RUNDC3A: variants seen among roughly 807,000 people sequenced by gnomAD.
RUNDC3A encodes RUN domain-containing protein 3A.
In RUNDC3A, 28 loss-of-function variants were observed where a neutral mutation model predicts 53.9. The ratio of observed to expected loss-of-function variants is 0.52; its 90% CI spans 0.38 to 0.71. The LOEUF (loss-of-function observed/expected upper bound fraction) is 0.71. Ranked by LOEUF, RUNDC3A falls within the 30% of genes least tolerant of loss-of-function variation. The pLI, the probability that RUNDC3A is intolerant of heterozygous loss-of-function variation, is 0.00. For synonymous variants in RUNDC3A, 232 were observed against 249.4 expected (o/e 0.93, Z 0.66); for missense variants, 491 against 597.3 (o/e 0.82, Z 1.85).
chr17:44,310,556 C>A, intron 1 of RUNDC3A: 1 of 249,412 alleles, frequency 4.0e-6, no homozygotes, highest in Non-Finnish European at 6.4e-6. Context: ...ATAACAAAGG[C>A]TCAGTAACCC....
chr17:44,316,813 T>C, intron 10 of RUNDC3A, 88 bp downstream of exon 10: 2 of 622,944 alleles, frequency 3.2e-6, no homozygotes, highest in East Asian at 5.9e-5. Flanking sequence ...TCATTCATTC[T>C]CTTAGTCTTT....
At chr17:44,309,550 G>C (rs1040281714) in intron 1 of RUNDC3A, among the ~76,000 whole-genome samples, 2 of 152,096 alleles carry the variant, frequency 1.3e-5, no homozygotes. Flanking sequence ...AGGGTGGAAC[G>C]GTTGCAGGGT....
chr17:44,314,595 T>TC, intron 4 of RUNDC3A, 140 bp from the exon 5 acceptor site: 2 of 1,453,702 alleles, frequency 1.4e-6, no homozygotes, highest in Non-Finnish European at 1.8e-6. Context: ...GGAGAGAGGC[T>TC]CCAGGCCTGC....
At position 44,312,665 on chromosome 17, in the gene RUNDC3A, T is replaced by C. The variant is rs1466381355; in HGVS notation, c.193T>C (p.Leu65=). 6.3e-7 allele frequency: 1 copy of C among 1,580,222 alleles called. No homozygotes were observed. The highest frequency in any genetic ancestry group is 1.3e-5 in the African/African-American group (1 of 74,096). ...SEEFVNFAAI[L]EQILSHRFKA... ...GGAGTTTGTCAATTTTGCAGCCATT[T>C]TAGAGCAGATCCTCAGCCACCGCTT... The change falls in exon 2 of 11, where the codon TTA becomes CTA. Residue 65 remains leucine (L), a synonymous_variant. Transcript: ENST00000426726.
chr17:44,311,081 G>A (rs1469685236), intron 1 of RUNDC3A: 1 of 985,330 alleles, frequency 1.0e-6, no homozygotes, highest in African/African-American at 1.7e-5. Flanking sequence ...GGCCACGTGA[G>A]TGCCACAGGG....
chr17:44,313,960 G>A (rs1055675218), intron 4 of RUNDC3A: 65 of 991,774 alleles, frequency 6.6e-5, no homozygotes, highest in African/African-American at 1.4e-4. Flanking sequence ...ATGAGCCACC[G>A]CTCCTGGCCC....
chr17:44,317,997 T>TG (rs150419582), intron 10 of RUNDC3A, 99 bp from the exon 11 acceptor site: 3 of 1,270,230 alleles, frequency 2.4e-6, no homozygotes, highest in Non-Finnish European at 3.3e-6. Context: ...CAAGGTCTCC[T>TG]GGGGGGTGAC....
chr17:44,314,430 A>G, intron 4 of RUNDC3A: 2 of 1,281,288 alleles, frequency 1.6e-6, no homozygotes, highest in Non-Finnish European at 2.0e-6. Flanking sequence ...CACCTACTGT[A>G]TACCAAGCAC....
At position 44,318,083 on chromosome 17, in the gene RUNDC3A, C is replaced by A. The variant is rs905266218; in HGVS notation, c.1199-13C>A. The stretch of plus-strand genomic sequence containing the variant: ...AGACTGGTCGCTTGGCCTCACCTGC[C>A]CTCTCTCCCCAGGGAAGGACCCCAC... On this transcript the variant is annotated splice_polypyrimidine_tract_variant and intron_variant, in intron 10 of 10. Transcript: ENST00000426726. 2 of 1,549,952 alleles carry A rather than the reference C, an allele frequency of 1.3e-6. No homozygotes were observed. The highest frequency in any genetic ancestry group is 2.7e-5 in the African/African-American group (2 of 73,020).
At chr17:44,316,300 T>A in intron 8 of RUNDC3A, 85 bp from the exon 9 acceptor site, 2 of 1,351,744 alleles carry the variant, frequency 1.5e-6, no homozygotes, top group Non-Finnish European at 2.1e-6. Flanking sequence ...ATTTCATTCC[T>A]GACCCCTCCC....
At position 44,318,169 on chromosome 17, in the gene RUNDC3A, G is replaced by A. The variant is rs761199137; in HGVS notation, c.1272G>A (p.Ala424=). 2.4e-5 allele frequency: 37 copies of A among 1,551,392 alleles called. No individual in the cohort carries two copies. Among genetic ancestry groups the A allele is most frequent in the Non-Finnish European group, 2.9e-5 (33 of 1,146,994 alleles). The part of the protein sequence containing the change: ...LASIPSCKSL[A]SFKSNECLVS... ...CCATTCCCAGCTGCAAGTCCCTGGC[G>A]AGCTTCAAATCCAACGAGTGCCTGG... The change falls in exon 11 of 11, where the codon GCG becomes GCA. Residue 424 remains alanine, a synonymous_variant. Coordinates refer to ENST00000426726, the MANE Select transcript of RUNDC3A (RefSeq NM_001144825.2).
Position 44,311,432 on chromosome 17 carries a change from C to T in RUNDC3A, c.108-1148C>T, listed in dbSNP as rs1292411941. 6 of 773,496 alleles carry T rather than the reference C, an allele frequency of 7.8e-6. No homozygotes were observed. In the African/African-American group the frequency reaches 9.4e-5, roughly 12 times the overall value. The allele number at this position is 773,496 out of a possible 1,614,324, so 47.9% of individuals were successfully genotyped here. A position where few individuals can be genotyped will look rare whatever the true frequency, so the allele number is the denominator to read the frequency against. ...TGTGACTCCGAACAGATCAGTCAAC[C>T]TCTTGGACCATCAATTTCTTTACCT... On this transcript the variant is annotated intron_variant, in intron 1 of 10. Transcript: ENST00000426726.
chr17:44,312,480 C>G, intron 1 of RUNDC3A, 100 bp from the exon 2 acceptor site: 1 of 688,838 alleles, frequency 1.5e-6, no homozygotes, highest in Non-Finnish European at 2.6e-6. Context: ...CCATGCCCTT[C>G]CTGACCTTTC....
At position 44,313,171 on chromosome 17, in the gene RUNDC3A, C is replaced by G; in HGVS notation, c.291C>G (p.Ile97Met). ...SDGQRGFWDY[I>M]RLACSKVPNN... The stretch of plus-strand genomic sequence containing the variant: ...GGCAGCGGGGCTTTTGGGACTATAT[C>G]CGGCTGGCCTGCAGCAAAGTGCCCA... The change falls in exon 3 of 11, where the codon ATC becomes ATG. Residue 97 changes from isoleucine to methionine, a missense_variant. Ile to Met is a conservative substitution (Grantham distance 10). This residue lies in a region of RUNDC3A where 273 missense variants were observed against 389.0 expected (regional missense o/e 0.70). Coordinates refer to ENST00000426726, the MANE Select transcript of RUNDC3A (RefSeq NM_001144825.2). The G allele has an allele frequency of 6.2e-7, 1 of 1,614,058 alleles. No individual in the cohort carries two copies.
At chr17:44,312,810 C>G (rs900587644) in intron 2 of RUNDC3A, 115 bp downstream of exon 2, 1 of 607,004 alleles carries the variant, frequency 1.6e-6, no homozygotes, top group African/African-American at 1.9e-5. Flanking sequence ...CTTTAGCTCC[C>G]AGCCACCTCT....
chr17:44,313,243 C>T lies in RUNDC3A; in HGVS notation c.363C>T (p.Ala121=). Residue 121 remains alanine, a synonymous_variant, in exon 3 of 11, where the codon GCC becomes GCT. Coordinates refer to ENST00000426726, the MANE Select transcript of RUNDC3A (RefSeq NM_001144825.2). ...AGAACATGGAGAACATCAGCACAGCCCGGGCCAAGGTGAGGGGCCTGAAGC... is the reference window on the plus strand; with the variant it reads ...AGAACATGGAGAACATCAGCACAGCTCGGGCCAAGGTGAGGGGCCTGAAGC... ...SIENMENIST[A]RAKGRAWIRV... is the part of the protein sequence containing the mutation. 1 of 1,613,942 alleles carries T rather than the reference C, an allele frequency of 6.2e-7. No homozygotes were observed. The highest frequency in any genetic ancestry group is 8.5e-7 in the Non-Finnish European group (1 of 1,179,840).
At chr17:44,311,547 A>C (rs1246969868) in intron 1 of RUNDC3A, 1 of 163,910 alleles carries the variant, frequency 6.1e-6, no homozygotes, top group East Asian at 1.9e-4. Flanking sequence ...TGTGCTTGCC[A>C]CATTATAGGG....
chr17:44,313,558 C>G (rs1011635774), intron 4 of RUNDC3A, 55 bp downstream of exon 4: 7 of 1,569,726 alleles, frequency 4.5e-6, no homozygotes, highest in East Asian at 2.3e-5. Flanking sequence ...CTGCATTGCC[C>G]AAACACAGCT....
In RUNDC3A at chr17:44,308,709, A is replaced by G; in HGVS notation, c.-124A>G. 2.2e-5 allele frequency: 10 copies of G among 454,602 alleles called. No individual in the cohort carries two copies. The highest frequency in any genetic ancestry group is 1.1e-4 in the South Asian group (3 of 27,386). 28.2% of individuals were successfully genotyped at this position (454,602 alleles called of 1,614,324 possible). On this transcript the variant is annotated 5_prime_UTR_variant, in exon 1 of 11. The change abolishes an upstream ATG in the 5' untranslated region. Transcript: ENST00000426726. ...GGGCACCGGGCGCAAAGGCAGGGGG[A>G]TGGCCATGGAAGGGTTGAGGGGCCC...
Sources: gnomAD v4.1 joint callset for allele counts (sites outside exome capture counted in the v4.1 genomes callset) on GRCh38, gnomAD v4.1.1 for gene constraint, gnomAD v4.1.1 regional missense constraint, MANE v1.5 for transcripts, NCBI Gene and HGNC (gene_info 2026-07-23, HGNC 2026-07-21) for gene names.